EFNA5: variants seen among roughly 807,000 people sequenced by gnomAD.
The protein encoded by EFNA5 is ephrin A5.
Under a neutral mutation model 22.9 loss-of-function variants are expected in EFNA5, and 5 were observed. The observed-to-expected ratio is 0.22, with a 90% CI of 0.11 to 0.46. The LOEUF (loss-of-function observed/expected upper bound fraction) is 0.46. Among genes scored for constraint, EFNA5 ranks in the 20% least tolerant of loss-of-function variants. The pLI is 0.99. For synonymous variants in EFNA5, 113 were observed against 112.2 expected (o/e 1.01, Z -0.04); for missense variants, 237 against 293.3 (o/e 0.81, Z 1.40).
chr5:107,474,405 C>T (rs1290252550), intron 1 of EFNA5, among the ~76,000 whole-genome samples: 1 of 151,998 alleles, frequency 6.6e-6, no homozygotes, highest in Non-Finnish European at 1.5e-5. Flanking sequence ...AAGAAATGGT[C>T]ATCAGCACTG....
At chr5:107,493,232 C>A (rs1295666250) in intron 1 of EFNA5, among the ~76,000 whole-genome samples, 8 of 150,250 alleles carry the variant, frequency 5.3e-5, no homozygotes, top group African/African-American at 2.0e-4. Flanking sequence ...TTATCTTTTA[C>A]AACCAAATAT....
At chr5:107,482,856 CTCTCTCTCTCTCTCTATATATATA>C (rs1750518472) in intron 1 of EFNA5, among the ~76,000 whole-genome samples, 16 of 75,428 alleles carry the variant, frequency 2.1e-4, no homozygotes, top group Admixed American at 2.6e-4. Context: ...CTCTCTCTCT[CTCTCTCTCTCTCTCTATATATATA>C]TATATATATA....
At chr5:107,570,904 C>T (rs1437157234) in intron 1 of EFNA5, among the ~76,000 whole-genome samples, 1 of 152,152 alleles carries the variant, frequency 6.6e-6, no homozygotes, top group African/African-American at 2.4e-5. Flanking sequence ...AAATAATGGG[C>T]TTCTGCTAAA....
chr5:107,406,364 T>C (rs1748221601), intron 2 of EFNA5, among the ~76,000 whole-genome samples: 1 of 152,064 alleles, frequency 6.6e-6, no homozygotes, highest in South Asian at 2.1e-4. Context: ...TTCAACCTAT[T>C]TGAGCCATGC....
At chr5:107,482,180 C>T (rs1750486146) in intron 1 of EFNA5, among the ~76,000 whole-genome samples, 1 of 151,788 alleles carries the variant, frequency 6.6e-6, no homozygotes. Context: ...GTAGCATGCG[C>T]CTGTGGTCCC....
intron 1 of EFNA5, among the ~76,000 whole-genome samples, chr5:107,514,569 G>A (rs1351118346): frequency 6.6e-6 from 1 of 152,080 alleles, no homozygotes; most frequent in Non-Finnish European, 1.5e-5. Context: ...ACATACAAGG[G>A]CAGATTTATT....
chr5:107,633,413 A>G (rs1750301626), intron 1 of EFNA5, among the ~76,000 whole-genome samples: 1 of 152,230 alleles, frequency 6.6e-6, no homozygotes, highest in African/African-American at 2.4e-5. Context: ...AAGTAAGCCC[A>G]GGCCCTTCTG....
At chr5:107,420,743 G>T (rs905870152) in intron 2 of EFNA5, among the ~76,000 whole-genome samples, 12 of 152,052 alleles carry the variant, frequency 7.9e-5, no homozygotes, top group East Asian at 1.9e-4. Context: ...AAATTAATTG[G>T]TTTTTTGCCA....
chr5:107,466,690 G>C (rs1468270416), intron 1 of EFNA5, among the ~76,000 whole-genome samples: 1 of 152,182 alleles, frequency 6.6e-6, no homozygotes, highest in Non-Finnish European at 1.5e-5. Flanking sequence ...GTCTACAAGA[G>C]GAGATAAGGC....
chr5:107,474,975 G>A (rs1750242803), intron 1 of EFNA5, among the ~76,000 whole-genome samples: 1 of 152,202 alleles, frequency 6.6e-6, no homozygotes, highest in African/African-American at 2.4e-5. Flanking sequence ...TTAAGACAGT[G>A]TTTGTGCAAT....
chr5:107,474,985 T>A (rs1037791813), intron 1 of EFNA5, among the ~76,000 whole-genome samples: 3 of 152,220 alleles, frequency 2.0e-5, no homozygotes, highest in African/African-American at 7.2e-5. Flanking sequence ...GTTTGTGCAA[T>A]GTGAGGTTAC....
At chr5:107,550,592 A>C (rs1229979910) in intron 1 of EFNA5, among the ~76,000 whole-genome samples, 4 of 152,216 alleles carry the variant, frequency 2.6e-5, no homozygotes, top group African/African-American at 9.6e-5. Context: ...TACCTTAATA[A>C]GGCAGTTATA....
intron 1 of EFNA5, among the ~76,000 whole-genome samples, chr5:107,650,385 A>G (rs1251232408): frequency 6.6e-6 from 1 of 152,136 alleles, no homozygotes; most frequent in Non-Finnish European, 1.5e-5. Context: ...CTTTGAAACT[A>G]ATCAGGAAGA....
chr5:107,445,144 TCCCGAGTAGCTTGGATTACAGGCATCCA>T (rs1329011228), intron 1 of EFNA5, among the ~76,000 whole-genome samples: 1 of 152,100 alleles, frequency 6.6e-6, no homozygotes, highest in East Asian at 1.9e-4. Context: ...TGCCTCAGCC[TCCCGAGTAGCTTGGATTACAGGCATCCA>T]CCGTCACACT....
intron 1 of EFNA5, among the ~76,000 whole-genome samples, chr5:107,482,850 CTCTCTCTCTCTCTCTCTCTCTA>C (rs1561406345): frequency 5.1e-4 from 34 of 66,996 alleles, no homozygotes; most frequent in African/African-American, 2.2e-3. Flanking sequence ...CTCTCTCTCT[CTCTCTCTCTCTCTCTCTCTCTA>C]TATATATATA....
intron 1 of EFNA5, among the ~76,000 whole-genome samples, chr5:107,477,366 C>G (rs1173896933): frequency 6.6e-6 from 1 of 152,134 alleles, no homozygotes; most frequent in East Asian, 1.9e-4. Context: ...TGCAGAAACT[C>G]TTATCTTTCT....
intron 4 of EFNA5, among the ~76,000 whole-genome samples, 199 bp from the exon 5 acceptor site, chr5:107,381,575 A>C (rs1747463009): frequency 6.6e-6 from 1 of 152,248 alleles, no homozygotes; most frequent in Admixed American, 6.5e-5. Flanking sequence ...GGACTTTCTC[A>C]GCAATATTAA....
chr5:107,587,532 T>G (rs915355391), intron 1 of EFNA5, among the ~76,000 whole-genome samples: 1 of 152,144 alleles, frequency 6.6e-6, no homozygotes, highest in African/African-American at 2.4e-5. Flanking sequence ...TGTTGTTGTT[T>G]TTGAGATGGA....
intron 1 of EFNA5, among the ~76,000 whole-genome samples, chr5:107,631,115 C>A (rs940476184): frequency 2.6e-5 from 4 of 152,126 alleles, no homozygotes; most frequent in Non-Finnish European, 4.4e-5. Context: ...AAAGATTATA[C>A]TCAAAAATAA....
Sources: allele counts gnomAD v4.1 joint callset (sites outside exome capture counted in the v4.1 genomes callset), GRCh38; gene constraint gnomAD v4.1.1; transcripts MANE v1.5; gene names NCBI Gene and HGNC (gene_info 2026-07-23, HGNC 2026-07-21).